The following ZNF783 variants were observed in gnomAD, a reference collection of about 807,000 sequenced individuals.
ZNF783 encodes the protein zinc finger protein 783.
Under a neutral mutation model 31.3 loss-of-function variants are expected in ZNF783, and 25 were observed. The observed-to-expected ratio is 0.80, with a 90% confidence interval of 0.58 to 1.11. The LOEUF (loss-of-function observed/expected upper bound fraction) is 1.11, where lower values mean the gene tolerates loss of function less well. Among genes scored for constraint, ZNF783 ranks in the 50% most tolerant of loss-of-function variants. The pLI is 0.00. For synonymous variants in ZNF783, 369 were observed against 319.1 expected (o/e 1.16, Z -1.66); for missense variants, 797 against 760.0 (o/e 1.05, Z -0.57).
At chr7:149,276,653 TTTTATTTATTTA>T (rs10701540) in intron 4 of ZNF783, 64 of 757,896 alleles carry the variant, frequency 8.4e-5, no homozygotes, top group African/African-American at 7.9e-4. Flanking sequence ...TTGGGTTACT[TTTTATTTATTTA>T]TTTATTTATT....
In ZNF783 at chr7:149,269,781, CTTAGTA is replaced by C. The variant is rs1410591957; in HGVS notation, c.673+2564_673+2569del. On this transcript the variant is annotated intron_variant, in intron 4 of 5. Coordinates refer to ENST00000434415, the MANE Select transcript of ZNF783 (RefSeq NM_001195220.2). ...GTGTGCTGCACCCATTAACTCGTCA[CTTAGTA>C]TTAGGTATATCTTCTAATGCTATCC... Among the ~76,000 whole-genome samples, 10 of 151,860 alleles carry C rather than the reference CTTAGTA, an allele frequency of 6.6e-5. No individual in the cohort carries two copies. The South Asian group carries it at 1.9e-3, about 29-fold the overall frequency.
intron 4 of ZNF783, among the ~76,000 whole-genome samples, chr7:149,268,941 A>G (rs966039262): frequency 2.6e-5 from 4 of 152,150 alleles, no homozygotes; most frequent in South Asian, 2.1e-4. Context: ...ATAATGATCT[A>G]TTTTCCTTTG....
Position 149,281,903 on chromosome 7 carries a change from G to C in ZNF783, c.1201G>C (p.Val401Leu). The change falls in exon 6 of 6, where the codon GTA becomes CTA. Residue 401 changes from valine to leucine, a missense_variant. Transcript: ENST00000434415. ...CATGCTGGAGCCGGGGGAGGTGGTG[G>C]TACCCGGCCCTGTCATCCGCTGGCT... ...QAMLEPGEVV[V>L]PGPVIRWLPE... 6.6e-7 allele frequency: 1 copy of C among 1,517,960 alleles called. No individual in the cohort carries two copies. 94.0% of individuals were successfully genotyped at this position (1,517,960 alleles called of 1,614,324 possible).
At chr7:149,279,061 C>T (rs904045968) in intron 5 of ZNF783, among the ~76,000 whole-genome samples, 5 of 152,244 alleles carry the variant, frequency 3.3e-5, no homozygotes, top group African/African-American at 1.2e-4. Flanking sequence ...CACTTGCAAA[C>T]AGTCCAGAGC....
In ZNF783 at chr7:149,281,820, A is replaced by G; in HGVS notation, c.1118A>G (p.Glu373Gly). 6.6e-7 allele frequency: 1 copy of G among 1,510,960 alleles called. No individual in the cohort carries two copies. 93.6% of individuals were successfully genotyped at this position (1,510,960 alleles called of 1,614,324 possible). Residue 373 changes from glutamate to glycine, a missense_variant, in exon 6 of 6, where the codon GAG (glutamate) becomes GGG (glycine). Transcript: ENST00000434415. ...NLTIHQRTHVEEGRQEAPGRS... is the reference protein window; with the variant it reads ...NLTIHQRTHVGEGRQEAPGRS... Reference sequence around the variant, plus strand: ...ACGATTCATCAGCGGACCCATGTGGAGGAGGGGCGGCAGGAGGCCCCCGGC... The same window carrying G: ...ACGATTCATCAGCGGACCCATGTGGGGGAGGGGCGGCAGGAGGCCCCCGGC...
At chr7:149,276,783 T>C (rs1797341617) in intron 4 of ZNF783, 1 of 225,996 alleles carries the variant, frequency 4.4e-6, no homozygotes, top group African/African-American at 2.3e-5. Flanking sequence ...GCCATCCTCC[T>C]GCCTCAGCCT....
At chr7:149,266,798 G>T in intron 2 of ZNF783, 21 bp from the exon 3 acceptor site, 1 of 1,613,980 alleles carries the variant, frequency 6.2e-7, no homozygotes, top group Non-Finnish European at 8.5e-7. Flanking sequence ...GGGTGAGTGA[G>T]TGCGACACTT....
At chr7:149,271,039 T>C (rs1260498565) in intron 4 of ZNF783, among the ~76,000 whole-genome samples, 2 of 152,148 alleles carry the variant, frequency 1.3e-5, no homozygotes, top group African/African-American at 4.8e-5. Context: ...CCCGGGTTCA[T>C]GCCATTCTCC....
intron 1 of ZNF783, among the ~76,000 whole-genome samples, 186 bp from the exon 2 acceptor site, chr7:149,266,147 CTT>C (rs1218963186): frequency 6.6e-6 from 1 of 152,230 alleles, no homozygotes; most frequent in African/African-American, 2.4e-5. Flanking sequence ...GCCACTATCT[CTT>C]GTATCAGTTA....
intron 3 of ZNF783, 62 bp downstream of exon 3, chr7:149,267,007 CTT>C: frequency 6.2e-7 from 1 of 1,613,220 alleles, no homozygotes; most frequent in Non-Finnish European, 8.5e-7. Flanking sequence ...CAGTCTGTGT[CTT>C]TGCTTTGGCT....
chr7:149,262,713 G>A lies in ZNF783; in HGVS notation c.24+356G>A, dbSNP rs573578469. Reference sequence around the variant, plus strand: ...ACAGCAGGCTGGGCGGGCAGGGGCCGCCAGCCCCACGGGACAGTAGCGGAG... The same window carrying A: ...ACAGCAGGCTGGGCGGGCAGGGGCCACCAGCCCCACGGGACAGTAGCGGAG... On this transcript the variant is annotated intron_variant, in intron 1 of 5. Transcript: ENST00000434415. Among the ~76,000 whole-genome samples the A allele has an allele frequency of 4.6e-5, 7 of 152,326 alleles. No individual in the cohort carries two copies. In the East Asian group the frequency reaches 1.4e-3, roughly 29 times the overall value.
At position 149,267,132 on chromosome 7, in the gene ZNF783, A is replaced by C; in HGVS notation, c.583A>C (p.Ile195Leu). 6.3e-7 allele frequency: 1 copy of C among 1,599,538 alleles called. No individual in the cohort carries two copies. The highest frequency in any genetic ancestry group is 8.5e-7 in the Non-Finnish European group (1 of 1,179,776). Residue 195 changes from isoleucine (I) to leucine (L), a missense_variant, in exon 4 of 6, where the codon ATA becomes CTA. Physicochemically the swap from Ile to Leu is conservative, Grantham distance 5. Transcript: ENST00000434415. ...CTCCAAACCAGACATCCTCACCCGGATAGAGAGGGGAGAGGAGCCTTGTCT... is the reference window on the plus strand; with the variant it reads ...CTCCAAACCAGACATCCTCACCCGGCTAGAGAGGGGAGAGGAGCCTTGTCT... ...AISKPDILTR[I>L]ERGEEPCLDR...
At chr7:149,272,779 A>G (rs534942783) in intron 4 of ZNF783, among the ~76,000 whole-genome samples, 2 of 152,174 alleles carry the variant, frequency 1.3e-5, no homozygotes, top group Non-Finnish European at 2.9e-5. Context: ...AAAATGTACA[A>G]TTAAATTATT....
rs746889769 is a variant in ZNF783, at chr7:149,266,700, G to GC, written c.395dup (p.Ser134GlnfsTer14). 2 of 1,613,894 alleles carry GC rather than the reference G, an allele frequency of 1.2e-6. No homozygotes were observed. The highest frequency in any genetic ancestry group is 1.3e-5 in the African/African-American group (1 of 74,914). ...ACAGGAACTTCTGGATCTTGCGGCT[G>GC]CCCCCGGGCAGCAAGGGGGAGGCCC... is the stretch of plus-strand genomic sequence containing the variant. On this transcript the variant is annotated frameshift_variant, in exon 2 of 6. Transcript: ENST00000434415. LOFTEE classifies it high-confidence loss of function.
In ZNF783 at chr7:149,281,504, G is replaced by A; in HGVS notation, c.803-1G>A. 6.9e-7 allele frequency: 1 copy of A among 1,439,002 alleles called. No homozygotes were observed. The highest frequency in any genetic ancestry group is 9.1e-7 in the Non-Finnish European group (1 of 1,102,812). 89.1% of individuals were successfully genotyped at this position (1,439,002 alleles called of 1,614,324 possible). A position where few individuals can be genotyped will look rare whatever the true frequency, so the allele number is the denominator to read the frequency against. ...GAAACCAACATAGACTCCTTTGCCA[G>A]GTGGTGGTGTGGCCATCAAGACAGA... On this transcript the variant is annotated splice_acceptor_variant, in intron 5 of 5. Coordinates refer to ENST00000434415, the MANE Select transcript of ZNF783 (RefSeq NM_001195220.2). LOFTEE classifies it high-confidence loss of function.
rs1431274032 is a variant in ZNF783 at position 149,267,098 on chromosome 7, T to A, written c.549T>A (p.Asp183Glu). ...CCTCATTTCTTGTTCTGTGCACAGA[T>A]TATGCAATCTCCAAACCAGACATCC... ...RGNYETLVSLDYAISKPDILT... is the reference protein window; with the variant it reads ...RGNYETLVSLEYAISKPDILT... Residue 183 changes from aspartate (D) to glutamate (E), a missense_variant and splice_region_variant, in exon 4 of 6, where the codon GAT (aspartate) becomes GAA (glutamate). Coordinates refer to ENST00000434415, the MANE Select transcript of ZNF783 (RefSeq NM_001195220.2). 1 of 1,600,812 alleles carries A rather than the reference T, an allele frequency of 6.2e-7. No homozygotes were observed. The highest frequency in any genetic ancestry group is 8.5e-7 in the Non-Finnish European group (1 of 1,179,780).
At chr7:149,263,261 TATAC>T in intron 1 of ZNF783, among the ~76,000 whole-genome samples, 1 of 124,486 alleles carries the variant, frequency 8.0e-6, no homozygotes, top group Admixed American at 8.7e-5. Context: ...AGTATATATA[TATAC>T]GTGTGTGTGT....
intron 4 of ZNF783, chr7:149,277,793 G>A (rs1028732899): frequency 6.6e-6 from 1 of 151,758 alleles, no homozygotes; most frequent in Non-Finnish European, 1.5e-5. Flanking sequence ...TCTTGTGTGA[G>A]AGGACAAGTG....
At chr7:149,269,158 T>C (rs538677923) in intron 4 of ZNF783, among the ~76,000 whole-genome samples, 2 of 152,228 alleles carry the variant, frequency 1.3e-5, no homozygotes, top group Non-Finnish European at 2.9e-5. Context: ...TGTGAGATGG[T>C]ATCTCATGGT....
Sources: gnomAD v4.1 joint callset for allele counts (sites outside exome capture counted in the v4.1 genomes callset) on GRCh38, gnomAD v4.1.1 for gene constraint, MANE v1.5 for transcripts, NCBI Gene and HGNC (gene_info 2026-07-23, HGNC 2026-07-21) for gene names.